ASB5: variants seen among roughly 807,000 people sequenced by gnomAD.
ASB5 encodes ankyrin repeat and SOCS box containing 5.
Under a neutral mutation model 42.1 loss-of-function variants are expected in ASB5, and 45 were observed. The observed-to-expected ratio is 1.07, with a 90% confidence interval of 0.84 to 1.37. The LOEUF (loss-of-function observed/expected upper bound fraction) is 1.37, where lower values mean the gene tolerates loss of function less well. Ranked by LOEUF, ASB5 falls within the 40% of genes most tolerant of loss-of-function variation. ASB5 has a pLI of 0.00. For synonymous variants in ASB5, 147 were observed against 150.6 expected, an observed-to-expected ratio of 0.98 and a Z score of 0.18; for missense variants, 402 against 399.8, an observed-to-expected ratio of 1.01 and a Z score of -0.05.
At chr4:176,243,058 A>G (rs1753841386) in intron 1 of ASB5, among the ~76,000 whole-genome samples, 1 of 152,160 alleles carries the variant, frequency 6.6e-6, no homozygotes, top group African/African-American at 2.4e-5. Context: ...TCAAAGTTGA[A>G]ACTGTACGCA....
chr4:176,235,341 G>A (rs5008532), intron 1 of ASB5, among the ~76,000 whole-genome samples: 139,632 of 152,228 alleles, frequency 0.92, 64,176 homozygotes, highest in Non-Finnish European at 0.93. Flanking sequence ...TTATTTCTAA[G>A]TACAACCATT....
intron 1 of ASB5, 74 bp from the exon 2 acceptor site, chr4:176,225,415 C>G (rs1753349272): frequency 1.6e-6 from 2 of 1,219,212 alleles, no homozygotes; most frequent in African/African-American, 3.0e-5. Flanking sequence ...TAGACACAAT[C>G]AATACCAAGA....
At chr4:176,220,347 G>A (rs536611315) in intron 5 of ASB5, among the ~76,000 whole-genome samples, 74 of 152,200 alleles carry the variant, frequency 4.9e-4, no homozygotes, top group African/African-American at 1.7e-3. Flanking sequence ...GTGCATAAAA[G>A]GGCTACTAAA....
At chr4:176,269,872 T>C (rs1374771887), upstream of ASB5, among the ~76,000 whole-genome samples, 1 of 151,910 alleles carries the variant, frequency 6.6e-6, no homozygotes, top group Admixed American at 6.6e-5. Flanking sequence ...TAAAAACAGG[T>C]ATTAAGGGAG....
At position 176,213,938 on chromosome 4, in the gene ASB5, C is replaced by G. The variant is rs779375565; in HGVS notation, c.*1662G>C. On this transcript the variant is annotated 3_prime_UTR_variant, in exon 7 of 7. Transcript: ENST00000296525. ...AAATACTGGTGGAAACCTGTTTTAC[C>G]CAAAAGCAGCTTTAATATCTGTTTA... 4 of 151,938 alleles carry G rather than the reference C, an allele frequency of 2.6e-5. No homozygotes were observed. The highest frequency in any genetic ancestry group is 9.7e-5 in the African/African-American group (4 of 41,386). 9.4% of individuals were successfully genotyped at this position (151,938 alleles called of 1,614,324 possible). A position where few individuals can be genotyped will look rare whatever the true frequency, so the allele number is the denominator to read the frequency against.
chr4:176,256,899 T>C (rs568949749), intron 1 of ASB5, among the ~76,000 whole-genome samples: 1 of 152,098 alleles, frequency 6.6e-6, no homozygotes, highest in African/African-American at 2.4e-5. Flanking sequence ...ATCGCACCAC[T>C]GCACTCCAAG....
At chr4:176,240,066 G>T (rs1251704741) in intron 1 of ASB5, among the ~76,000 whole-genome samples, 3 of 152,156 alleles carry the variant, frequency 2.0e-5, no homozygotes, top group African/African-American at 7.2e-5. Flanking sequence ...TTGTTTAAAT[G>T]CTAGATATCT....
chr4:176,215,939 A>G (rs1752956627), intron 6 of ASB5, among the ~76,000 whole-genome samples: 1 of 152,112 alleles, frequency 6.6e-6, no homozygotes, highest in Admixed American at 6.6e-5. Flanking sequence ...TACATTCCTT[A>G]AAATATTATA....
chr4:176,266,215 C>T (rs1244994120), intron 1 of ASB5, among the ~76,000 whole-genome samples: 2 of 152,092 alleles, frequency 1.3e-5, no homozygotes, highest in Non-Finnish European at 2.9e-5. Context: ...GGAGGGCATC[C>T]AGCATGTTGT....
chr4:176,252,084 GA>G (rs57692791), intron 1 of ASB5, among the ~76,000 whole-genome samples: 82,862 of 106,564 alleles, frequency 0.78, 32,761 homozygotes, highest in Middle Eastern at 0.88. Context: ...AAAAAAAAAA[GA>G]AAAAAAAAAA....
At chr4:176,257,436 A>T (rs1754176352) in intron 1 of ASB5, among the ~76,000 whole-genome samples, 1 of 152,022 alleles carries the variant, frequency 6.6e-6, no homozygotes, top group Non-Finnish European at 1.5e-5. Context: ...AAAACTCCCA[A>T]CTCTGAACTA....
chr4:176,227,750 A>T (rs932975079), intron 1 of ASB5, among the ~76,000 whole-genome samples: 1 of 152,080 alleles, frequency 6.6e-6, no homozygotes, highest in Admixed American at 6.5e-5. Context: ...CAGTGACAAC[A>T]CTTTTCACTT....
chr4:176,224,745 A>G (rs977326028), intron 2 of ASB5, among the ~76,000 whole-genome samples: 5 of 152,164 alleles, frequency 3.3e-5, no homozygotes, highest in African/African-American at 1.2e-4. Context: ...CTGTTTCAAT[A>G]AGGATTTGTG....
chr4:176,241,599 G>A (rs1753813886), intron 1 of ASB5: 1 of 1,424,328 alleles, frequency 7.0e-7, no homozygotes, highest in Admixed American at 3.2e-5. Flanking sequence ...TCTGAGCCCA[G>A]TTCTTGCTCC....
intron 1 of ASB5, chr4:176,277,203 G>A (rs1368112435): frequency 6.6e-6 from 1 of 152,186 alleles, no homozygotes; most frequent in Non-Finnish European, 1.5e-5. Context: ...ACCTGCCCCA[G>A]AGTAATTTTT....
In ASB5 at chr4:176,214,503, A is replaced by G. The variant is rs1752914346; in HGVS notation, c.*1097T>C. 6.6e-6 allele frequency: 1 copy of G among 152,150 alleles called. No homozygotes were observed. The highest frequency in any genetic ancestry group is 2.4e-5 in the African/African-American group (1 of 41,444). The allele number at this position is 152,150 out of a possible 1,614,324, so 9.4% of individuals were successfully genotyped here. Reference sequence around the variant, plus strand: ...ACCCTTGCAGAGGACTAGCTTAGTAATATCTTCTTTTATACAATACTCTCT... The same window carrying G: ...ACCCTTGCAGAGGACTAGCTTAGTAGTATCTTCTTTTATACAATACTCTCT... On this transcript the variant is annotated 3_prime_UTR_variant, in exon 7 of 7. Coordinates refer to ENST00000296525, the MANE Select transcript of ASB5 (RefSeq NM_080874.4).
At chr4:176,233,294 A>G (rs1261905939) in intron 1 of ASB5, among the ~76,000 whole-genome samples, 1 of 152,238 alleles carries the variant, frequency 6.6e-6, no homozygotes, top group African/African-American at 2.4e-5. Flanking sequence ...AAAAATAGAT[A>G]TTGTCAAAAT....
intron 1 of ASB5, among the ~76,000 whole-genome samples, chr4:176,244,758 T>A (rs1753876539): frequency 6.6e-6 from 1 of 152,034 alleles, no homozygotes; most frequent in South Asian, 2.1e-4. Flanking sequence ...TACAAAAAAA[T>A]AATTTAAAAA....
intron 1 of ASB5, among the ~76,000 whole-genome samples, chr4:176,255,763 C>G (rs1234463492): frequency 1.3e-5 from 2 of 152,180 alleles, no homozygotes; most frequent in Non-Finnish European, 2.9e-5. Context: ...GGGTATTATG[C>G]TCAGTACCTG....
Sources: allele counts gnomAD v4.1 joint callset (sites outside exome capture counted in the v4.1 genomes callset), GRCh38; gene constraint gnomAD v4.1.1; transcripts MANE v1.5; gene names NCBI Gene and HGNC (gene_info 2026-07-23, HGNC 2026-07-21).